The following GPC3 variants were observed in gnomAD, a reference collection of about 807,000 sequenced individuals.
The protein encoded by GPC3 is glypican-3.
Under a neutral mutation model 34.4 loss-of-function variants are expected in GPC3, and 3 were observed. That is an observed-to-expected ratio of 0.09 (90% CI 0.04 to 0.23). GPC3 has a LOEUF of 0.23. GPC3 is among the 10% of genes least tolerant of loss of function. The pLI is 1.00. For synonymous variants in GPC3, 177 were observed against 174.0 expected, an observed-to-expected ratio of 1.02 and a Z score of -0.13; for missense variants, 351 against 445.6, an observed-to-expected ratio of 0.79 and a Z score of 1.91.
At chrX:133,888,651 G>C (rs1337845329) in intron 2 of GPC3, among the ~76,000 whole-genome samples, 3 of 112,157 alleles carry the variant, frequency 2.7e-5, no homozygotes, top group Non-Finnish European at 5.6e-5. Context: ...TTGTGGTTTT[G>C]ATTTGCATTT....
chrX:133,680,347 A>G (rs2070928391), intron 5 of GPC3, among the ~76,000 whole-genome samples: 1 of 111,732 alleles, frequency 8.9e-6, no homozygotes, highest in African/African-American at 3.3e-5. Flanking sequence ...TCCCAGCTCT[A>G]GGCCCGAAGC....
intron 5 of GPC3, among the ~76,000 whole-genome samples, chrX:133,664,810 C>CAAAA (rs1289642836): frequency 4.7e-4 from 32 of 68,698 alleles, no homozygotes; most frequent in African/African-American, 1.5e-3. Flanking sequence ...CCGAACCACT[C>CAAAA]AAAAAAAAAA....
intron 4 of GPC3, among the ~76,000 whole-genome samples, chrX:133,697,163 T>C (rs1036995425): frequency 3.5e-5 from 4 of 112,882 alleles, no homozygotes; most frequent in Admixed American, 9.3e-5. Flanking sequence ...CTTTCATCCC[T>C]GACTGCAGAC....
intron 2 of GPC3, among the ~76,000 whole-genome samples, chrX:133,826,282 T>C (rs2075745943): frequency 9.0e-6 from 1 of 111,641 alleles, no homozygotes; most frequent in Non-Finnish European, 1.9e-5. Flanking sequence ...AAAGCACATC[T>C]AAAGAACTAA....
chrX:133,965,374 G>A (rs1046893442), intron 1 of GPC3, among the ~76,000 whole-genome samples: 1 of 110,689 alleles, frequency 9.0e-6, no homozygotes, highest in African/African-American at 3.3e-5. Flanking sequence ...AATCCTCCTG[G>A]ATTATCTAGG....
chrX:133,777,916 C>T (rs777334362), intron 2 of GPC3, among the ~76,000 whole-genome samples: 9 of 112,030 alleles, frequency 8.0e-5, no homozygotes, highest in East Asian at 2.8e-4. Context: ...TCATGAGCCC[C>T]GGTCTTTTGT....
At chrX:133,981,186 C>T (rs1247464028) in intron 1 of GPC3, among the ~76,000 whole-genome samples, 1 of 112,240 alleles carries the variant, frequency 8.9e-6, no homozygotes, top group Non-Finnish European at 1.9e-5. Flanking sequence ...CTATTGTGAC[C>T]ATTTCAGCCA....
At chrX:133,593,330 CAAA>C (rs756083308) in intron 7 of GPC3, among the ~76,000 whole-genome samples, 2 of 9,896 alleles carry the variant, frequency 2.0e-4, no homozygotes, top group African/African-American at 3.4e-4. Context: ...GAGACTGTCT[CAAA>C]AAAAAAAAAA....
chrX:133,584,598 C>T (rs1158396943), intron 7 of GPC3, among the ~76,000 whole-genome samples: 1 of 111,959 alleles, frequency 8.9e-6, no homozygotes, highest in Admixed American at 9.5e-5. Context: ...CATGCCTCAC[C>T]CTCCCGAGTA....
intron 2 of GPC3, among the ~76,000 whole-genome samples, chrX:133,831,160 A>G (rs1341584826): frequency 1.8e-5 from 2 of 111,950 alleles, no homozygotes; most frequent in African/African-American, 6.5e-5. Flanking sequence ...TGTGGTGATG[A>G]AACAGTTCTA....
At chrX:133,565,162 G>A (rs1035108374) in intron 7 of GPC3, among the ~76,000 whole-genome samples, 1 of 111,803 alleles carries the variant, frequency 8.9e-6, no homozygotes, top group African/African-American at 3.3e-5. Context: ...ACATGTATGG[G>A]AGGTGCTAGG....
At chrX:133,762,677 C>G in intron 2 of GPC3, 1 of 323,011 alleles carries the variant, frequency 3.1e-6, no homozygotes, top group Non-Finnish European at 5.5e-6. Context: ...CCATCTCACA[C>G]CAGTCAGAAT....
chrX:133,706,646 C>T (rs899829608), intron 3 of GPC3, among the ~76,000 whole-genome samples: 1 of 112,248 alleles, frequency 8.9e-6, no homozygotes, highest in African/African-American at 3.2e-5. Flanking sequence ...ATCAAAATCA[C>T]AATGAGATAT....
chrX:133,587,102 C>A (rs1290530661), intron 7 of GPC3, among the ~76,000 whole-genome samples: 2 of 111,727 alleles, frequency 1.8e-5, no homozygotes, highest in African/African-American at 6.5e-5. Context: ...TCTCTCCCTA[C>A]CCCACCTCTG....
chrX:133,644,578 G>C (rs1271251325), intron 6 of GPC3, among the ~76,000 whole-genome samples: 2 of 111,696 alleles, frequency 1.8e-5, no homozygotes, highest in African/African-American at 3.3e-5. Flanking sequence ...AGAGTGCAGA[G>C]AGATATAAAA....
chrX:133,974,644 G>A (rs2076507789), intron 1 of GPC3, among the ~76,000 whole-genome samples: 1 of 111,041 alleles, frequency 9.0e-6, no homozygotes, highest in Non-Finnish European at 1.9e-5. Context: ...GCAAAAGCCT[G>A]GAAAATATCA....
At chrX:133,879,407 A>G (rs1434831411) in intron 2 of GPC3, among the ~76,000 whole-genome samples, 1 of 111,521 alleles carries the variant, frequency 9.0e-6, no homozygotes, top group African/African-American at 3.3e-5. Context: ...TGCAAATTCT[A>G]AAATTAGTGA....
At chrX:133,766,865 C>A (rs973043791) in intron 2 of GPC3, among the ~76,000 whole-genome samples, 3 of 112,242 alleles carry the variant, frequency 2.7e-5, no homozygotes, top group African/African-American at 9.7e-5. Context: ...GAACTAGCAT[C>A]CTTGGAGCAT....
At chrX:133,958,473 A>G (rs762663212) in intron 1 of GPC3, among the ~76,000 whole-genome samples, 3 of 104,378 alleles carry the variant, frequency 2.9e-5, no homozygotes, top group Non-Finnish European at 3.9e-5. Context: ...TTGGGCTCAG[A>G]GGTCGAGGCT....
Sources: gnomAD v4.1 joint callset for allele counts (sites outside exome capture counted in the v4.1 genomes callset) on GRCh38, gnomAD v4.1.1 for gene constraint, MANE v1.5 for transcripts, NCBI Gene and HGNC (gene_info 2026-07-23, HGNC 2026-07-21) for gene names.